The following NDUFA12 variants were observed in gnomAD, a reference collection of about 807,000 sequenced individuals.
NDUFA12 encodes NADH dehydrogenase [ubiquinone] 1 alpha subcomplex subunit 12.
Under a neutral mutation model 20.3 loss-of-function variants are expected in NDUFA12, and 17 were observed. That is an observed-to-expected ratio of 0.84 (90% CI 0.57 to 1.26). The LOEUF is 1.26. NDUFA12 is among the 50% of genes most tolerant of loss of function. The pLI is 0.00. For synonymous variants in NDUFA12, 72 were observed against 63.6 expected (o/e 1.13, Z -0.63); for missense variants, 191 against 183.7 (o/e 1.04, Z -0.23).
At chr12:94,977,026 C>T (rs1874082622) in intron 3 of NDUFA12, among the ~76,000 whole-genome samples, 1 of 152,158 alleles carries the variant, frequency 6.6e-6, no homozygotes, top group Non-Finnish European at 1.5e-5. Flanking sequence ...AGAAAAGTAA[C>T]ATTCTGTAAC....
At chr12:94,986,246 G>GA (rs1025809077) in intron 3 of NDUFA12, among the ~76,000 whole-genome samples, 8 of 150,022 alleles carry the variant, frequency 5.3e-5, no homozygotes, top group South Asian at 2.1e-4. Context: ...GTCTTCAAAA[G>GA]AAAAAAAAAG....
Position 94,976,227 on chromosome 12 carries a change from T to A in NDUFA12, c.258-4607A>T, listed in dbSNP as rs145746840. Reference sequence around the variant, plus strand: ...TAACAACTCGTGATAAATATTATTATCCAAATATAGTAAGTGAGAAAACCA... The same window carrying A: ...TAACAACTCGTGATAAATATTATTAACCAAATATAGTAAGTGAGAAAACCA... On this transcript the variant is annotated intron_variant, in intron 3 of 3. Transcript: ENST00000327772. Among the ~76,000 whole-genome samples the A allele has an allele frequency of 2.4e-4, 36 of 152,312 alleles. 1 individual carries two copies. The highest frequency in any genetic ancestry group is 3.4e-3 in the Middle Eastern group (1 of 294).
At chr12:94,977,555 G>T (rs1267366409) in intron 3 of NDUFA12, among the ~76,000 whole-genome samples, 5 of 151,340 alleles carry the variant, frequency 3.3e-5, no homozygotes, top group African/African-American at 1.2e-4. Context: ...GTACTAAAAA[G>T]GACAGGTTGA....
At chr12:94,995,367 G>A (rs577783647) in intron 2 of NDUFA12, among the ~76,000 whole-genome samples, 7 of 152,160 alleles carry the variant, frequency 4.6e-5, no homozygotes, top group Non-Finnish European at 1.0e-4. Flanking sequence ...AGATGGAGGA[G>A]ACCTTGGGAA....
At position 95,003,615 on chromosome 12, in the gene NDUFA12, G is replaced by A. The variant is rs141719682; in HGVS notation, c.66C>T (p.Gly22=). ...CCTACCTGAAAAAAACCCGTAGATAGCCTCGGAGACCGCCGTGGCCGGTGA... is the reference window on the plus strand; with the variant it reads ...CCTACCTGAAAAAAACCCGTAGATAACCTCGGAGACCGCCGTGGCCGGTGA... ...QQITGHGGLR[G]YLRVFFRTND... is the part of the protein sequence containing the mutation. The change falls in exon 1 of 4, where the codon GGC becomes GGT. Residue 22 remains glycine (G), a synonymous_variant. Coordinates refer to ENST00000327772, the MANE Select transcript of NDUFA12 (RefSeq NM_018838.5). The A allele has an allele frequency of 8.7e-6, 14 of 1,614,074 alleles. No individual in the cohort carries two copies. The highest frequency in any genetic ancestry group is 1.1e-5 in the Non-Finnish European group (13 of 1,180,044).
chr12:94,979,849 A>G (rs1874181458), intron 3 of NDUFA12, among the ~76,000 whole-genome samples: 1 of 151,406 alleles, frequency 6.6e-6, no homozygotes, highest in African/African-American at 2.4e-5. Flanking sequence ...AAAAAAAAAA[A>G]GGATTAATGG....
At chr12:94,982,498 G>T (rs550674349) in intron 3 of NDUFA12, among the ~76,000 whole-genome samples, 1 of 151,886 alleles carries the variant, frequency 6.6e-6, no homozygotes, top group African/African-American at 2.4e-5. Flanking sequence ...AGATGGTCTC[G>T]ATCACCTGAC....
chr12:94,994,336 T>C, intron 2 of NDUFA12, 79 bp from the exon 3 acceptor site: 1 of 1,055,780 alleles, frequency 9.5e-7, no homozygotes, highest in Non-Finnish European at 1.4e-6. Context: ...GAAGACAACC[T>C]TTTTATTAAG....
chr12:95,000,971 A>G (rs1438404111), intron 2 of NDUFA12, among the ~76,000 whole-genome samples: 1 of 152,244 alleles, frequency 6.6e-6, no homozygotes, highest in Non-Finnish European at 1.5e-5. Context: ...ATTCTAAAAA[A>G]TGTTTAATTC....
At chr12:95,002,874 C>T (rs1304953341) in intron 1 of NDUFA12, 53 bp from the exon 2 acceptor site, 7 of 1,488,088 alleles carry the variant, frequency 4.7e-6, no homozygotes, top group African/African-American at 1.4e-5. Context: ...TAGTTCAAAA[C>T]ATAAACGGAA....
At chr12:94,981,107 AG>A (rs1170321997) in intron 3 of NDUFA12, among the ~76,000 whole-genome samples, 1 of 152,122 alleles carries the variant, frequency 6.6e-6, no homozygotes, top group Non-Finnish European at 1.5e-5. Flanking sequence ...CAAGAACAAG[AG>A]AAAAAAAAAG....
intron 3 of NDUFA12, among the ~76,000 whole-genome samples, chr12:94,982,849 A>G (rs1050713251): frequency 2.0e-5 from 3 of 152,148 alleles, no homozygotes; most frequent in African/African-American, 7.2e-5. Flanking sequence ...TGTTAAAACA[A>G]TTTTATCTGG....
At chr12:95,001,778 C>G (rs1478248724) in intron 2 of NDUFA12, among the ~76,000 whole-genome samples, 3 of 152,076 alleles carry the variant, frequency 2.0e-5, no homozygotes. Flanking sequence ...GATCTGGGCT[C>G]ACTGCAACTT....
At chr12:94,984,932 C>T (rs1462696757) in intron 3 of NDUFA12, among the ~76,000 whole-genome samples, 2 of 2,888 alleles carry the variant, frequency 6.9e-4, no homozygotes, top group South Asian at 0.029. Context: ...GAGTCAAGAT[C>T]GCACCACTGC....
At chr12:94,989,798 T>C (rs1874575089) in intron 3 of NDUFA12, among the ~76,000 whole-genome samples, 1 of 152,204 alleles carries the variant, frequency 6.6e-6, no homozygotes, top group Non-Finnish European at 1.5e-5. Context: ...TATTTTATAA[T>C]TTTAAACATA....
chr12:95,003,323 A>C (rs561888489), intron 1 of NDUFA12, among the ~76,000 whole-genome samples: 1 of 152,308 alleles, frequency 6.6e-6, no homozygotes, highest in Non-Finnish European at 1.5e-5. Flanking sequence ...AATGTCTTGT[A>C]ATCCTCATTA....
At chr12:94,984,025 T>C (rs568441179) in intron 3 of NDUFA12, among the ~76,000 whole-genome samples, 5 of 150,690 alleles carry the variant, frequency 3.3e-5, no homozygotes, top group East Asian at 3.9e-4. Flanking sequence ...GGAGGCAAAA[T>C]AGGGTAAGGA....
At chr12:94,972,293 T>C (rs1873914889) in intron 3 of NDUFA12, 2 of 271,778 alleles carry the variant, frequency 7.4e-6, no homozygotes, top group South Asian at 6.8e-5. Context: ...TATCTACCTC[T>C]AAGAAAGAAA....
intron 3 of NDUFA12, among the ~76,000 whole-genome samples, chr12:94,982,121 G>C (rs540083217): frequency 6.6e-6 from 1 of 152,282 alleles, no homozygotes; most frequent in South Asian, 2.1e-4. Context: ...ACTATCATAG[G>C]CCACACTTGG....
Sources: allele counts gnomAD v4.1 joint callset (sites outside exome capture counted in the v4.1 genomes callset), GRCh38; gene constraint gnomAD v4.1.1; transcripts MANE v1.5; gene names NCBI Gene and HGNC (gene_info 2026-07-23, HGNC 2026-07-21).